Variants in GREB1 observed in about 807,000 individuals in gnomAD.
GREB1 encodes protein GREB1.
In GREB1, 106 loss-of-function variants were observed where a neutral mutation model predicts 200.7. The ratio of observed to expected loss-of-function variants is 0.53; its 90% CI spans 0.45 to 0.62. The LOEUF (loss-of-function observed/expected upper bound fraction) is 0.62. Among genes scored for constraint, GREB1 ranks in the 20% least tolerant of loss-of-function variants. The probability of loss-of-function intolerance (pLI) is 0.00; values close to 1 mark genes in which losing one functional copy is unlikely to be tolerated. For synonymous variants in GREB1, 1,132 were observed against 1,092.4 expected (o/e 1.04, Z -0.72); for missense variants, 2,243 against 2,556.8 (o/e 0.88, Z 2.65).
chr2:11,639,256 A>G (rs1256338319), intron 32 of GREB1, among the ~76,000 whole-genome samples: 2 of 151,942 alleles, frequency 1.3e-5, no homozygotes, highest in African/African-American at 4.8e-5. Flanking sequence ...CACCCAGCTA[A>G]TTTTTTATTT....
At chr2:11,592,536 T>G (rs1295217233) in intron 10 of GREB1, among the ~76,000 whole-genome samples, 1 of 151,702 alleles carries the variant, frequency 6.6e-6, no homozygotes, top group African/African-American at 2.4e-5. Context: ...ACAAATCATC[T>G]TATAATTAAA....
intron 1 of GREB1, among the ~76,000 whole-genome samples, chr2:11,543,599 A>G (rs1445719824): frequency 6.6e-6 from 1 of 152,216 alleles, no homozygotes; most frequent in African/African-American, 2.4e-5. Context: ...TGCTTTTACC[A>G]CTATAGCAGA....
intron 4 of GREB1, among the ~76,000 whole-genome samples, chr2:11,575,766 G>A (rs185853587): frequency 6.6e-6 from 1 of 152,292 alleles, no homozygotes; most frequent in Admixed American, 6.5e-5. Flanking sequence ...ACATTGCTTT[G>A]AGAGTCTGTA....
At position 11,625,256 on chromosome 2, in the gene GREB1, C is replaced by T. The variant is rs772965239; in HGVS notation, c.4250C>T (p.Pro1417Leu). Residue 1417 changes from proline to leucine, a missense_variant, in exon 24 of 33, where the codon CCG (proline) becomes CTG (leucine). By Grantham distance (98) the Pro-to-Leu change is moderately conservative (BLOSUM62 -3). Coordinates refer to ENST00000381486, the MANE Select transcript of GREB1 (RefSeq NM_014668.4). The part of the protein sequence containing the change: ...KLPFDYIIHD[P>L]KYEDASLICS... ...CCCTTTGACTACATCATTCACGACC[C>T]GAAGTATGAAGATGCCAGCCTGATT... 4.2e-5 allele frequency: 68 copies of T among 1,613,950 alleles called. No individual in the cohort carries two copies. Among genetic ancestry groups the T allele is most frequent in the East Asian group, 6.7e-5 (3 of 44,906 alleles).
chr2:11,545,206 C>A (rs1675151831), intron 1 of GREB1, among the ~76,000 whole-genome samples: 1 of 152,146 alleles, frequency 6.6e-6, no homozygotes, highest in African/African-American at 2.4e-5. Flanking sequence ...CACGATCTCG[C>A]TCACTGCAAC....
chr2:11,617,830 G>C (rs1683561123), intron 21 of GREB1, among the ~76,000 whole-genome samples: 1 of 152,164 alleles, frequency 6.6e-6, no homozygotes, highest in Non-Finnish European at 1.5e-5. Context: ...CAGGAGACTG[G>C]CTAGGGGGCA....
chr2:11,583,745 G>T (rs909693708), intron 7 of GREB1, among the ~76,000 whole-genome samples: 3 of 152,158 alleles, frequency 2.0e-5, no homozygotes, highest in Non-Finnish European at 4.4e-5. Context: ...TGTAATCCCA[G>T]CTACTCGGGA....
At chr2:11,564,909 CAGG>C (rs1436109554) in intron 3 of GREB1, among the ~76,000 whole-genome samples, 1 of 152,166 alleles carries the variant, frequency 6.6e-6, no homozygotes, top group Non-Finnish European at 1.5e-5. Context: ...GCAGACAAGA[CAGG>C]AGAGCTGGTG....
In GREB1 at chr2:11,588,948, T is replaced by A. The variant is rs1018111281; in HGVS notation, c.1345+17T>A. 6.2e-7 allele frequency: 1 copy of A among 1,608,868 alleles called. No homozygotes were observed. Among genetic ancestry groups the A allele is most frequent in the South Asian group, 1.1e-5 (1 of 90,986 alleles). On this transcript the variant is annotated intron_variant, in intron 10 of 32. Transcript: ENST00000381486. ...TCCAGCTGGGTGAGTCACCTCCACC[T>A]CCTGGCCCAGTGGCAGGGAGTGGCC... is the stretch of plus-strand genomic sequence containing the variant.
intron 1 of GREB1, among the ~76,000 whole-genome samples, chr2:11,555,485 C>T (rs1368136948): frequency 1.3e-5 from 2 of 152,292 alleles, no homozygotes; most frequent in South Asian, 2.1e-4. Context: ...AATACAATCT[C>T]CCATCCCTTC....
upstream of GREB1, among the ~76,000 whole-genome samples, chr2:11,530,439 T>A (rs1040486883): frequency 6.6e-6 from 1 of 151,514 alleles, no homozygotes; most frequent in African/African-American, 2.4e-5. Context: ...ATGTTAAAAT[T>A]TAGGTTAAAA....
chr2:11,584,277 C>A (rs1386127369), intron 7 of GREB1, among the ~76,000 whole-genome samples: 1 of 152,174 alleles, frequency 6.6e-6, no homozygotes, highest in Non-Finnish European at 1.5e-5. Context: ...ATATTTTGAA[C>A]CATTCACGAA....
In GREB1 at chr2:11,640,451, C is replaced by G. The variant is rs1038038272; in HGVS notation, c.5847C>G (p.Ile1949Met). 4.3e-6 allele frequency: 7 copies of G among 1,613,728 alleles called. No individual in the cohort carries two copies. The Admixed American group carries it at 6.7e-5, about 15-fold the overall frequency. Reference protein sequence around the residue: ...RPLFFLTGRHI With the variant: ...RPLFFLTGRHM ...TCTTTTTTCTGACGGGACGACACAT[C>G]TGAGGAAGACAGCGGCGAGTTTTCT... Residue 1949 changes from isoleucine (I) to methionine (M), a missense_variant, in exon 33 of 33, where the codon ATC becomes ATG. Coordinates refer to ENST00000381486, the MANE Select transcript of GREB1 (RefSeq NM_014668.4). The surrounding 1 kb of genome is among the most constrained non-coding windows in gnomAD (Gnocchi z 4.6).
chr2:11,591,407 C>G (rs761273779), intron 10 of GREB1: 1 of 732,564 alleles, frequency 1.4e-6, no homozygotes, highest in Non-Finnish European at 2.6e-6. Context: ...ACATCAAATA[C>G]GAAATCCGGA....
upstream of GREB1, among the ~76,000 whole-genome samples, chr2:11,529,529 T>G (rs1673995161): frequency 6.6e-6 from 1 of 152,202 alleles, no homozygotes; most frequent in Non-Finnish European, 1.5e-5. Flanking sequence ...ACCACCCCCT[T>G]GCTCTAGGGG....
intron 8 of GREB1, 68 bp downstream of exon 8, chr2:11,585,342 GTGTA>G: frequency 1.0e-6 from 1 of 958,030 alleles, no homozygotes; most frequent in Non-Finnish European, 1.6e-6. Context: ...TGCCAGTTGT[GTGTA>G]TGTGTGCGTG....
chr2:11,615,232 G>A lies in GREB1; in HGVS notation c.3264G>A (p.Glu1088=), dbSNP rs1402438732. ...LEKGARNEAL[E]SDAEKLSSTD... is the part of the protein sequence containing the mutation. ...AGGGGGCTAGGAACGAGGCCTTGGA[G>A]AGTGATGCTGAGAAGCTGAGCAGCA... is the stretch of plus-strand genomic sequence containing the variant. The change falls in exon 20 of 33, where the codon GAG becomes GAA. Residue 1088 remains glutamate (E), a synonymous_variant. Coordinates refer to ENST00000381486, the MANE Select transcript of GREB1 (RefSeq NM_014668.4). The A allele has an allele frequency of 1.2e-6, 2 of 1,612,392 alleles. No homozygotes were observed. The highest frequency in any genetic ancestry group is 3.4e-5 in the Admixed American group (2 of 59,692).
chr2:11,638,624 G>A (rs1225450358), intron 31 of GREB1, 47 bp from the exon 32 acceptor site: 3 of 1,589,818 alleles, frequency 1.9e-6, no homozygotes, highest in Admixed American at 1.7e-5. Flanking sequence ...ATGTTACTGA[G>A]CATTTCATAG....
chr2:11,539,051 CT>C (rs1245700086), intron 1 of GREB1, among the ~76,000 whole-genome samples: 9 of 108,570 alleles, frequency 8.3e-5, no homozygotes, highest in African/African-American at 1.1e-4. Flanking sequence ...CTCTTCTCTT[CT>C]CTTCTCTTCT....
Sources: allele counts gnomAD v4.1 joint callset (sites outside exome capture counted in the v4.1 genomes callset), GRCh38; gene constraint gnomAD v4.1.1; non-coding constraint Gnocchi (gnomAD v3.1); transcripts MANE v1.5; gene names NCBI Gene and HGNC (gene_info 2026-07-23, HGNC 2026-07-21).